Variants in USP45 observed in about 807,000 individuals in gnomAD.
USP45 encodes ubiquitin specific peptidase 45.
In USP45, 89 loss-of-function variants were observed where a neutral mutation model predicts 95.8. The observed-to-expected ratio is 0.93, with a 90% CI of 0.78 to 1.11. USP45 has a LOEUF of 1.11. USP45 is among the 50% of genes least tolerant of loss of function. The probability of loss-of-function intolerance (pLI) is 0.00; values close to 1 mark genes in which losing one functional copy is unlikely to be tolerated. For synonymous variants in USP45, 281 were observed against 316.2 expected, an observed-to-expected ratio of 0.89 and a Z score of 1.18; for missense variants, 898 against 942.5, an observed-to-expected ratio of 0.95 and a Z score of 0.62.
At position 99,443,676 on chromosome 6, in the gene USP45, A is replaced by G. The variant is rs1463076581; in HGVS notation, c.1976-14T>C. ...CTACTTTCTTTTCTACATAAAATAC[A>G]ATAAATTTATTTATAAAATTCCATT... is the stretch of plus-strand genomic sequence containing the variant. On this transcript the variant is annotated splice_polypyrimidine_tract_variant and intron_variant, in intron 14 of 17. Coordinates refer to ENST00000500704, the MANE Select transcript of USP45 (RefSeq NM_001346022.3). 1 of 1,474,656 alleles carries G rather than the reference A, an allele frequency of 6.8e-7. No individual in the cohort carries two copies. 91.3% of individuals were successfully genotyped at this position (1,474,656 alleles called of 1,614,324 possible). A position where few individuals can be genotyped will look rare whatever the true frequency, so the allele number is the denominator to read the frequency against.
At chr6:99,462,216 A>G in intron 13 of USP45, 1 of 979,074 alleles carries the variant, frequency 1.0e-6, no homozygotes, top group Admixed American at 6.1e-5. Context: ...AAAATTTTCA[A>G]TAAAGAGTAG....
At position 99,446,453 on chromosome 6, in the gene USP45, A is replaced by AT. The variant is rs1270712080; in HGVS notation, c.1318dup (p.Ile440AsnfsTer3). On this transcript the variant is annotated frameshift_variant, in exon 14 of 18. Coordinates refer to ENST00000500704, the MANE Select transcript of USP45 (RefSeq NM_001346022.3). LOFTEE classifies it high-confidence loss of function. Reference sequence around the variant, plus strand: ...TTTTCTAATACATTTTCGGTCATGAATTAGTTGACTCTGTAAGTTGACAGT... The same window carrying AT: ...TTTTCTAATACATTTTCGGTCATGAATTTAGTTGACTCTGTAAGTTGACAGT... The AT allele has an allele frequency of 1.9e-6, 3 of 1,611,446 alleles. No individual in the cohort carries two copies. Among genetic ancestry groups the AT allele is most frequent in the Non-Finnish European group, 1.7e-6 (2 of 1,179,340 alleles).
At chr6:99,506,583 A>G (rs1310181682) in intron 4 of USP45, among the ~76,000 whole-genome samples, 2 of 152,204 alleles carry the variant, frequency 1.3e-5, no homozygotes, top group Non-Finnish European at 2.9e-5. Flanking sequence ...TGCTGGAATT[A>G]CAGGTGTGAG....
intron 5 of USP45, among the ~76,000 whole-genome samples, chr6:99,494,576 G>A (rs1795893788): frequency 6.6e-6 from 1 of 151,928 alleles, no homozygotes. Context: ...TCAACACTTA[G>A]AGATCCTATA....
At chr6:99,503,379 T>A (rs1583438090) in intron 5 of USP45, among the ~76,000 whole-genome samples, 1 of 151,620 alleles carries the variant, frequency 6.6e-6, no homozygotes, top group Non-Finnish European at 1.5e-5. Flanking sequence ...TAGACTGGAG[T>A]GCAGTGGCAT....
chr6:99,454,418 C>T (rs1347822230), intron 13 of USP45, among the ~76,000 whole-genome samples: 1 of 151,914 alleles, frequency 6.6e-6, no homozygotes, highest in African/African-American at 2.4e-5. Flanking sequence ...TTATGGAGAC[C>T]TCAAAAGCAC....
In USP45 at chr6:99,433,403, C is replaced by T. The variant is rs1176514469; in HGVS notation, c.*2313G>A. ...GTTTCCTGAGGTGATCCAGAAACTA[C>T]TGTTATTATAGTAGACTTGCTACTA... On this transcript the variant is annotated 3_prime_UTR_variant, in exon 18 of 18. Transcript: ENST00000500704. 3.9e-5 allele frequency: 6 copies of T among 152,596 alleles called. No homozygotes were observed. The highest frequency in any genetic ancestry group is 5.9e-5 in the Non-Finnish European group (4 of 68,030). 9.5% of individuals were successfully genotyped at this position (152,596 alleles called of 1,614,324 possible). A position where few individuals can be genotyped will look rare whatever the true frequency, so the allele number is the denominator to read the frequency against.
chr6:99,502,626 T>C (rs1797632132), intron 5 of USP45, among the ~76,000 whole-genome samples: 1 of 152,228 alleles, frequency 6.6e-6, no homozygotes, highest in South Asian at 2.1e-4. Context: ...CAAGTACTGA[T>C]ATGGTTTGGA....
At chr6:99,501,346 C>A (rs1475021446) in intron 5 of USP45, among the ~76,000 whole-genome samples, 1 of 152,102 alleles carries the variant, frequency 6.6e-6, no homozygotes, top group Non-Finnish European at 1.5e-5. Context: ...TTAGTAATTT[C>A]TATTACACTT....
chr6:99,517,695 G>A (rs1166941281), upstream of USP45, among the ~76,000 whole-genome samples: 4 of 148,612 alleles, frequency 2.7e-5, no homozygotes, highest in Non-Finnish European at 4.4e-5. Context: ...CATCTGCCTT[G>A]GCCTCCCGAA....
In USP45 at chr6:99,443,648, C is replaced by A. The variant is rs141844660; in HGVS notation, c.1990G>T (p.Gly664Ter). 291 of 1,586,282 alleles carry A rather than the reference C, an allele frequency of 1.8e-4. 1 individual carries two copies. The highest frequency in any genetic ancestry group is 2.4e-4 in the Non-Finnish European group (276 of 1,165,026). The change falls in exon 15 of 18, where the codon GGA becomes TGA. Residue 664 changes from glycine to a stop codon, truncating the protein, a stop_gained. Transcript: ENST00000500704. LOFTEE classifies it high-confidence loss of function. ...ETSFAEKKVE[G>*]VYTNARKQLL... ...TGCTTCCTGGCATTAGTATAAACTC[C>A]TTCTACTTTCTTTTCTACATAAAAT...
At chr6:99,490,260 T>G (rs1794874994) in intron 5 of USP45, among the ~76,000 whole-genome samples, 2 of 152,044 alleles carry the variant, frequency 1.3e-5, no homozygotes, top group African/African-American at 4.8e-5. Flanking sequence ...GCCTCCCAGG[T>G]TCAAGTGATT....
intron 13 of USP45, among the ~76,000 whole-genome samples, chr6:99,458,559 C>T (rs1351813875): frequency 3.9e-5 from 6 of 152,158 alleles, no homozygotes; most frequent in African/African-American, 1.4e-4. Context: ...TGTCTGAATC[C>T]CCATTTCTGC....
At chr6:99,456,541 A>G (rs553586201) in intron 13 of USP45, among the ~76,000 whole-genome samples, 1 of 152,332 alleles carries the variant, frequency 6.6e-6, no homozygotes, top group African/African-American at 2.4e-5. Flanking sequence ...TAATACTTTT[A>G]TAATTTCTTA....
intron 7 of USP45, 107 bp from the exon 8 acceptor site, chr6:99,482,990 AATTGT>A: frequency 1.1e-6 from 1 of 918,288 alleles, no homozygotes; most frequent in Non-Finnish European, 1.5e-6. Context: ...AAATTGCCTC[AATTGT>A]ATTAAGAAAC....
upstream of USP45, among the ~76,000 whole-genome samples, chr6:99,517,523 C>T (rs565909213): frequency 6.6e-6 from 1 of 151,854 alleles, no homozygotes; most frequent in Non-Finnish European, 1.5e-5. Context: ...CAACCTCTGC[C>T]TCCTGGGTTC....
At chr6:99,476,344 T>C in intron 8 of USP45, 114 bp from the exon 9 acceptor site, 1 of 1,022,714 alleles carries the variant, frequency 9.8e-7, no homozygotes, top group East Asian at 2.8e-5. Flanking sequence ...TGCGGCAGCC[T>C]ACGCCTGTAA....
intron 13 of USP45, chr6:99,461,084 G>T: frequency 1.0e-6 from 1 of 984,872 alleles, no homozygotes; most frequent in Non-Finnish European, 1.2e-6. Flanking sequence ...GATTCTGGCA[G>T]AAGTATTAAG....
chr6:99,517,223 CAGTA>C (rs56119342), upstream of USP45, among the ~76,000 whole-genome samples: 77,744 of 151,368 alleles, frequency 0.51, 21,084 homozygotes, highest in Middle Eastern at 0.68. Context: ...AAATATTACT[CAGTA>C]AGTATGTTTT....
Sources: gnomAD v4.1 joint callset for allele counts (sites outside exome capture counted in the v4.1 genomes callset) on GRCh38, gnomAD v4.1.1 for gene constraint, MANE v1.5 for transcripts, NCBI Gene and HGNC (gene_info 2026-07-23, HGNC 2026-07-21) for gene names.